The following SEPTIN9 variants were observed in gnomAD, a reference collection of about 807,000 sequenced individuals.
SEPTIN9 encodes the protein septin 9.
A neutral mutation model predicts 56.6 loss-of-function variants in SEPTIN9; 13 were observed. That is an observed-to-expected ratio of 0.23 (90% CI 0.15 to 0.37). The LOEUF is 0.37. Among genes scored for constraint, SEPTIN9 ranks in the 10% least tolerant of loss-of-function variants. SEPTIN9 has a pLI of 1.00. For missense variants in SEPTIN9, 650 were observed against 823.1 expected, an observed-to-expected ratio of 0.79 and a Z score of 2.57; for synonymous variants, 332 against 334.1, an observed-to-expected ratio of 0.99 and a Z score of 0.07.
At chr17:77,443,532 C>A (rs2037624991) in intron 3 of SEPTIN9, among the ~76,000 whole-genome samples, 1 of 152,116 alleles carries the variant, frequency 6.6e-6, no homozygotes, top group Non-Finnish European at 1.5e-5. Flanking sequence ...GTGACTCACG[C>A]CTATAATCCC....
At chr17:77,444,337 G>A (rs1412082007) in intron 3 of SEPTIN9, among the ~76,000 whole-genome samples, 1 of 152,158 alleles carries the variant, frequency 6.6e-6, no homozygotes, top group Non-Finnish European at 1.5e-5. Flanking sequence ...GGTGGGTGTT[G>A]GTAAGGGATG....
rs563274919 is a variant in SEPTIN9, at chr17:77,389,926, A to C, written c.77-12133A>C. 5.9e-5 allele frequency among the ~76,000 whole-genome samples: 9 copies of C among 152,196 alleles called. No homozygotes were observed. In the South Asian group the frequency reaches 1.9e-3, roughly 32 times the overall value. Reference sequence around the variant, plus strand: ...GTGCTCCCATTCCCATAGCTGATTTAGTAAAGAAAAGAGGAAGTCCAGCAA... The same window carrying C: ...GTGCTCCCATTCCCATAGCTGATTTCGTAAAGAAAAGAGGAAGTCCAGCAA... On this transcript the variant is annotated intron_variant, in intron 2 of 11. Coordinates refer to ENST00000427177, the MANE Select transcript of SEPTIN9 (RefSeq NM_001113491.2). The surrounding 1 kb of genome is among the most constrained non-coding windows in gnomAD (Gnocchi z 4.3).
At chr17:77,474,444 T>C (rs565056844) in intron 3 of SEPTIN9, among the ~76,000 whole-genome samples, 2 of 152,300 alleles carry the variant, frequency 1.3e-5, no homozygotes, top group South Asian at 2.1e-4. Flanking sequence ...CTGGGGTGGC[T>C]CTAAGCCCTG....
intron 2 of SEPTIN9, among the ~76,000 whole-genome samples, chr17:77,352,504 C>G (rs908608957): frequency 6.6e-6 from 1 of 152,194 alleles, no homozygotes. Context: ...AAGGTTCATT[C>G]CTCCTGGGGG....
In SEPTIN9 at chr17:77,450,538, T is replaced by G; in HGVS notation, c.722-31606T>G. ...CCCTGCTGGGAGTGACTCACTTGGGTTCAGAGGTCGTGGCACTGAGATGGG... is the reference window on the plus strand; with the variant it reads ...CCCTGCTGGGAGTGACTCACTTGGGGTCAGAGGTCGTGGCACTGAGATGGG... On this transcript the variant is annotated intron_variant, in intron 3 of 11. Coordinates refer to ENST00000427177, the MANE Select transcript of SEPTIN9 (RefSeq NM_001113491.2). The surrounding 1 kb of genome is among the most constrained non-coding windows in gnomAD (Gnocchi z 6.0). 1 of 985,404 alleles carries G rather than the reference T, an allele frequency of 1.0e-6. No individual in the cohort carries two copies. The highest frequency in any genetic ancestry group is 1.2e-6 in the Non-Finnish European group (1 of 829,978). The allele number at this position is 985,404 out of a possible 1,614,324, so 61.0% of individuals were successfully genotyped here.
rs1000729727 is a variant in SEPTIN9, at chr17:77,367,558, G to A, written c.77-34501G>A. On this transcript the variant is annotated intron_variant, in intron 2 of 11. Coordinates refer to ENST00000427177, the MANE Select transcript of SEPTIN9 (RefSeq NM_001113491.2). The surrounding 1 kb of genome is among the most constrained non-coding windows in gnomAD (Gnocchi z 4.5). Reference sequence around the variant, plus strand: ...TGGCTGGGCGCAGTGGCTCACGTCTGTAATCCCAGCACTTTGGGAGGCTGA... The same window carrying A: ...TGGCTGGGCGCAGTGGCTCACGTCTATAATCCCAGCACTTTGGGAGGCTGA... Among the ~76,000 whole-genome samples, 3 of 152,164 alleles carry A rather than the reference G, an allele frequency of 2.0e-5. No homozygotes were observed.
chr17:77,344,969 CAAAAAAAAAAAAAAAAA>C (rs35165946), intron 2 of SEPTIN9, among the ~76,000 whole-genome samples: 1 of 67,956 alleles, frequency 1.5e-5, no homozygotes, highest in Admixed American at 1.9e-4. Context: ...AAGACTGCCT[CAAAAAAAAAAAAAAAAA>C]AAAAAAAAAA....
In SEPTIN9 at chr17:77,283,688, T is replaced by C. The variant is rs147561279; in HGVS notation, c.19+2134T>C. Among the ~76,000 whole-genome samples, 1,046 of 152,312 alleles carry C rather than the reference T, an allele frequency of 6.9e-3. 9 individuals are homozygous for C. Among genetic ancestry groups the C allele is most frequent in the African/African-American group, 0.024 (991 of 41,556 alleles). ...GGCTTCAGAATAAACGGAATGACCA[T>C]AATGTTGTTCCCGGTAGACCTGGTT... On this transcript the variant is annotated intron_variant, in intron 1 of 11. Transcript: ENST00000427177.
intron 1 of SEPTIN9, among the ~76,000 whole-genome samples, chr17:77,304,562 C>T (rs1393195477): frequency 1.3e-5 from 2 of 152,100 alleles, no homozygotes; most frequent in African/African-American, 2.4e-5. Context: ...GTCCATCTGG[C>T]CCAGGGAGGA....
chr17:77,401,467 C>T (rs975093956), intron 2 of SEPTIN9, among the ~76,000 whole-genome samples: 3 of 152,088 alleles, frequency 2.0e-5, no homozygotes, highest in Non-Finnish European at 2.9e-5. Context: ...AAATCAAGGC[C>T]GGGCACGGTG....
At chr17:77,398,099 G>C (rs938342892) in intron 2 of SEPTIN9, among the ~76,000 whole-genome samples, 4 of 151,228 alleles carry the variant, frequency 2.6e-5, no homozygotes, top group African/African-American at 9.7e-5. Context: ...TCAGCCTCTC[G>C]AGTAGCTGGG....
At chr17:77,289,057 C>CT (rs1318736580) in intron 1 of SEPTIN9, among the ~76,000 whole-genome samples, 1 of 152,110 alleles carries the variant, frequency 6.6e-6, no homozygotes, top group Non-Finnish European at 1.5e-5. Flanking sequence ...ACTGCCGGGA[C>CT]TTTGTATTAT....
At chr17:77,479,709 G>A (rs1045632143) in intron 3 of SEPTIN9, among the ~76,000 whole-genome samples, 42 of 145,922 alleles carry the variant, frequency 2.9e-4, no homozygotes, top group Admixed American at 2.8e-3. Flanking sequence ...GGCGTTGGGG[G>A]CGAGAAAGGA....
chr17:77,478,262 C>T (rs759953535), intron 3 of SEPTIN9, among the ~76,000 whole-genome samples: 3 of 152,142 alleles, frequency 2.0e-5, no homozygotes, highest in Non-Finnish European at 2.9e-5. Flanking sequence ...AAATTCCGTT[C>T]CTCAGTTGGA....
At chr17:77,391,416 G>A (rs2035535958) in intron 2 of SEPTIN9, among the ~76,000 whole-genome samples, 1 of 152,096 alleles carries the variant, frequency 6.6e-6, no homozygotes, top group Admixed American at 6.6e-5. Flanking sequence ...CATCATCTCT[G>A]ATCTCTGGCC....
At chr17:77,397,389 G>A (rs988652354) in intron 2 of SEPTIN9, among the ~76,000 whole-genome samples, 1 of 152,118 alleles carries the variant, frequency 6.6e-6, no homozygotes, top group African/African-American at 2.4e-5. Flanking sequence ...CCGAGCACTG[G>A]ATTTAGAGCC....
At position 77,436,706 on chromosome 17, in the gene SEPTIN9, G is replaced by A. The variant is rs920339450; in HGVS notation, c.721+34003G>A. On this transcript the variant is annotated intron_variant, in intron 3 of 11. Coordinates refer to ENST00000427177, the MANE Select transcript of SEPTIN9 (RefSeq NM_001113491.2). The surrounding 1 kb of genome is among the most constrained non-coding windows in gnomAD (Gnocchi z 4.4). ...GCCTCGTGGTAGGGGCTGCGGCGGA[G>A]GTGGGCAAAAGCCGCTTCCGGGCAG... Among the ~76,000 whole-genome samples the A allele has an allele frequency of 1.3e-5, 2 of 152,266 alleles. No homozygotes were observed. Among genetic ancestry groups the A allele is most frequent in the African/African-American group, 4.8e-5 (2 of 41,480 alleles).
At chr17:77,407,941 C>A (rs1568045018) in intron 3 of SEPTIN9, among the ~76,000 whole-genome samples, 1 of 152,220 alleles carries the variant, frequency 6.6e-6, no homozygotes. Flanking sequence ...CAGTACTGAG[C>A]CTGCAAGGGC....
At chr17:77,353,756 G>A (rs2034133483) in intron 2 of SEPTIN9, among the ~76,000 whole-genome samples, 1 of 152,200 alleles carries the variant, frequency 6.6e-6, no homozygotes, top group African/African-American at 2.4e-5. Context: ...GCAGCTTCCT[G>A]TGGAAACAGT....
Sources: gnomAD v4.1 joint callset for allele counts (sites outside exome capture counted in the v4.1 genomes callset) on GRCh38, gnomAD v4.1.1 for gene constraint, Gnocchi (gnomAD v3.1) non-coding constraint, MANE v1.5 for transcripts, NCBI Gene and HGNC (gene_info 2026-07-23, HGNC 2026-07-21) for gene names.